EMG1: variants seen among roughly 807,000 people sequenced by gnomAD.
The protein encoded by EMG1 is ribosomal RNA small subunit methyltransferase NEP1.
EMG1 carries 24 observed loss-of-function variants against 26.9 expected under a neutral mutation model. The ratio of observed to expected loss-of-function variants is 0.89; its 90% confidence interval spans 0.65 to 1.26. The LOEUF is 1.26. Among genes scored for constraint, EMG1 ranks in the 50% most tolerant of loss-of-function variants. The pLI is 0.00. For missense variants in EMG1, 299 were observed against 307.6 expected, an observed-to-expected ratio of 0.97 and a Z score of 0.21; for synonymous variants, 140 against 112.6, an observed-to-expected ratio of 1.24 and a Z score of -1.54.
downstream of EMG1, among the ~76,000 whole-genome samples, chr12:6,984,418 G>A (rs1429195046): frequency 6.6e-6 from 1 of 152,210 alleles, no homozygotes; most frequent in Non-Finnish European, 1.5e-5. Context: ...CACCTTCAGT[G>A]TTCTATCTAG....
intron 3 of EMG1, 79 bp downstream of exon 3, chr12:6,974,772 G>T: frequency 2.0e-6 from 3 of 1,496,080 alleles, no homozygotes; most frequent in Non-Finnish European, 2.8e-6. Context: ...AGAACTAAAT[G>T]TGGATTTTTA....
chr12:6,975,550 G>A, intron 5 of EMG1, 146 bp from the exon 6 acceptor site: 1 of 952,830 alleles, frequency 1.0e-6, no homozygotes, highest in South Asian at 1.5e-5. Context: ...GGAAGTCACA[G>A]TTAGGACCTT....
downstream of EMG1, chr12:6,983,164 T>TA: frequency 2.1e-6 from 1 of 468,264 alleles, no homozygotes; most frequent in Non-Finnish European, 3.9e-6. Context: ...GTCATTCAGT[T>TA]ACATCCACAG....
At chr12:6,974,785 C>T (rs782608850) in intron 3 of EMG1, 92 bp downstream of exon 3, 50 of 1,355,316 alleles carry the variant, frequency 3.7e-5, no homozygotes, top group Admixed American at 2.4e-4. Context: ...GATTTTTAAG[C>T]GAGAAAATGG....
At chr12:6,974,316 T>C in intron 1 of EMG1, 23 bp from the exon 2 acceptor site, 2 of 1,555,444 alleles carry the variant, frequency 1.3e-6, no homozygotes, top group Non-Finnish European at 8.8e-7. Context: ...TGCTGTTCTC[T>C]CGTCATGTTC....
In EMG1 at chr12:6,978,218, C is replaced by A; in HGVS notation, c.*2409C>A. The A allele has an allele frequency of 2.6e-6, 3 of 1,173,456 alleles. No homozygotes were observed. Among genetic ancestry groups the A allele is most frequent in the Non-Finnish European group, 3.6e-6 (3 of 831,916 alleles). The allele number at this position is 1,173,456 out of a possible 1,614,324, so 72.7% of individuals were successfully genotyped here. A position where few individuals can be genotyped will look rare whatever the true frequency, so the allele number is the denominator to read the frequency against. On this transcript the variant is annotated 3_prime_UTR_variant, in exon 6 of 6. Coordinates refer to ENST00000599672, the MANE Select transcript of EMG1 (RefSeq NM_006331.8). ...AGGTGGGGGTCAAAGTCAGTGTGAG[C>A]GACAGGGGGTTCTGCCCAGATGGGA...
chr12:6,974,722 G>A (rs782273726), intron 3 of EMG1, 29 bp downstream of exon 3: 2 of 1,612,824 alleles, frequency 1.2e-6, no homozygotes, highest in African/African-American at 2.7e-5. Context: ...AAGTTAGAAT[G>A]AACTTGTCAG....
At chr12:6,982,314 C>T (rs917500925), downstream of EMG1, among the ~76,000 whole-genome samples, 26 of 152,206 alleles carry the variant, frequency 1.7e-4, no homozygotes, top group African/African-American at 6.3e-4. Context: ...GCTGGGATTA[C>T]AGGTGTGAGC....
In EMG1 at chr12:6,978,826, G is replaced by T; in HGVS notation, c.*3017G>T. ...GCTGCCAGATGCCCTCAATAGTCTG[G>T]CCTGATTGCCTTCACAATAGGCAGA... On this transcript the variant is annotated 3_prime_UTR_variant, in exon 6 of 6. Coordinates refer to ENST00000599672, the MANE Select transcript of EMG1 (RefSeq NM_006331.8). 8.0e-7 allele frequency: 1 copy of T among 1,248,634 alleles called. No homozygotes were observed. Among genetic ancestry groups the T allele is most frequent in the Non-Finnish European group, 1.1e-6 (1 of 913,236 alleles). 77.3% of individuals were successfully genotyped at this position (1,248,634 alleles called of 1,614,324 possible).
At chr12:6,980,411 GTGAT>G (rs1425300509), downstream of EMG1, among the ~76,000 whole-genome samples, 79 of 152,196 alleles carry the variant, frequency 5.2e-4, no homozygotes, top group African/African-American at 1.9e-3. Flanking sequence ...GTGCAGTGGT[GTGAT>G]CAAAGCTCAC....
In EMG1 at chr12:6,995,413, G is replaced by A. The variant is rs142178080; in HGVS notation, c.*212-1812G>A. Among the ~76,000 whole-genome samples, 585 of 151,738 alleles carry A rather than the reference G, an allele frequency of 3.9e-3. 2 individuals are homozygous for A. The highest frequency in any genetic ancestry group is 0.013 in the African/African-American group (556 of 41,358). On this transcript the variant is annotated intron_variant and NMD_transcript_variant, in intron 7 of 7. Coordinates refer to the EMG1 transcript ENST00000607161. ...CGCTTGAACCCAGGAGGCGGAGGTTGCAGTGAGCTGAGATCGTCTCACTGT... is the reference window on the plus strand; with the variant it reads ...CGCTTGAACCCAGGAGGCGGAGGTTACAGTGAGCTGAGATCGTCTCACTGT...
chr12:6,983,695 A>G (rs1946494803), downstream of EMG1, among the ~76,000 whole-genome samples: 1 of 152,226 alleles, frequency 6.6e-6, no homozygotes, highest in African/African-American at 2.4e-5. Context: ...CAATAACGGT[A>G]TCCCCAAGAA....
Position 6,975,445 on chromosome 12 carries a change from T to C in EMG1, c.621+67T>C, listed in dbSNP as rs192547661. On this transcript the variant is annotated intron_variant, in intron 5 of 5. Coordinates refer to ENST00000599672, the MANE Select transcript of EMG1 (RefSeq NM_006331.8). Reference sequence around the variant, plus strand: ...ACTTAGTATAGAATTCCCAGAGCAGTAGGCATTTTAACAATGCTTACAATG... The same window carrying C: ...ACTTAGTATAGAATTCCCAGAGCAGCAGGCATTTTAACAATGCTTACAATG... 2.7e-6 allele frequency: 4 copies of C among 1,473,890 alleles called. 1 individual carries two copies. The highest frequency in any genetic ancestry group is 2.6e-5 in the South Asian group (2 of 75,608). 91.3% of individuals were successfully genotyped at this position (1,473,890 alleles called of 1,614,324 possible). A position where few individuals can be genotyped will look rare whatever the true frequency, so the allele number is the denominator to read the frequency against.
chr12:6,994,609 G>A (rs1000694222), intron 7 of EMG1, among the ~76,000 whole-genome samples: 3 of 152,126 alleles, frequency 2.0e-5, no homozygotes, highest in African/African-American at 7.2e-5. Flanking sequence ...TGGGACTACA[G>A]GTGTGCACAG....
At chr12:6,980,874 A>T, downstream of EMG1, 1 of 833,108 alleles carries the variant, frequency 1.2e-6, no homozygotes, top group Non-Finnish European at 1.8e-6. Context: ...AGTGCCTGTT[A>T]CAACAGTCCA....
At chr12:6,975,446 A>C in intron 5 of EMG1, 68 bp downstream of exon 5, 1 of 1,474,108 alleles carries the variant, frequency 6.8e-7, no homozygotes, top group Non-Finnish European at 9.1e-7. Context: ...CCAGAGCAGT[A>C]GGCATTTTAA....
chr12:6,996,321 G>A (rs1946635643), intron 7 of EMG1, among the ~76,000 whole-genome samples: 1 of 152,166 alleles, frequency 6.6e-6, no homozygotes, highest in Admixed American at 6.5e-5. Flanking sequence ...AAGTATCAGT[G>A]AGGACTTCCC....
chr12:6,989,647 G>A (rs1282507601), downstream of EMG1, among the ~76,000 whole-genome samples: 1 of 152,126 alleles, frequency 6.6e-6, no homozygotes, highest in Non-Finnish European at 1.5e-5. Flanking sequence ...ATTTGTACAA[G>A]CCCTCTTCAG....
At chr12:6,992,714 G>C (rs1334509730), downstream of EMG1, among the ~76,000 whole-genome samples, 7 of 152,186 alleles carry the variant, frequency 4.6e-5, no homozygotes, top group African/African-American at 1.7e-4. Context: ...TGACTGCCCT[G>C]CTGTGTTTTC....
Sources: allele counts gnomAD v4.1 joint callset (sites outside exome capture counted in the v4.1 genomes callset), GRCh38; gene constraint gnomAD v4.1.1; transcripts MANE v1.5; gene names NCBI Gene and HGNC (gene_info 2026-07-23, HGNC 2026-07-21).